The following NOS1AP variants were observed in gnomAD, a reference collection of about 807,000 sequenced individuals.
The protein encoded by NOS1AP is carboxyl-terminal PDZ ligand of neuronal nitric oxide synthase protein.
NOS1AP carries 21 observed loss-of-function variants against 56.2 expected under a neutral mutation model. That is an observed-to-expected ratio of 0.37 (90% CI 0.26 to 0.54). The LOEUF (loss-of-function observed/expected upper bound fraction) is 0.54. Among genes scored for constraint, NOS1AP ranks in the 20% least tolerant of loss-of-function variants. The pLI is 0.84. For missense variants in NOS1AP, 522 were observed against 657.8 expected, an observed-to-expected ratio of 0.79 and a Z score of 2.26; for synonymous variants, 270 against 274.6, an observed-to-expected ratio of 0.98 and a Z score of 0.17.
chr1:162,343,578 G>A (rs1441359993), intron 5 of NOS1AP, among the ~76,000 whole-genome samples: 1 of 152,232 alleles, frequency 6.6e-6, no homozygotes, highest in East Asian at 1.9e-4. Context: ...ACATGGGAGG[G>A]AAGAATTGGG....
chr1:162,164,593 T>C (rs765320374), intron 2 of NOS1AP, among the ~76,000 whole-genome samples: 2 of 152,234 alleles, frequency 1.3e-5, no homozygotes, highest in Non-Finnish European at 2.9e-5. Context: ...AGAAACCTCA[T>C]ATAAGTGAAA....
At chr1:162,246,291 C>T (rs1290256822) in intron 2 of NOS1AP, among the ~76,000 whole-genome samples, 1 of 152,132 alleles carries the variant, frequency 6.6e-6, no homozygotes. Flanking sequence ...CTTTAAACAT[C>T]TTATAGTCCA....
rs35946766 is a variant in NOS1AP, at chr1:162,324,416, C to CTTTTTTTTT, written c.345-8581_345-8573dup. Among the ~76,000 whole-genome samples the CTTTTTTTTT allele has an allele frequency of 2.2e-3, 158 of 72,142 alleles. 24 individuals are homozygous for CTTTTTTTTT. The highest frequency in any genetic ancestry group is 3.1e-3 in the Non-Finnish European group (111 of 36,150). 47.3% of individuals were successfully genotyped at this position (72,142 alleles called of 152,430 possible). On this transcript the variant is annotated intron_variant, in intron 4 of 9. Transcript: ENST00000361897. ...TAGTGGTTTTGTGAGGGACACTAGC[C>CTTTTTTTTT]TTTTTTTTTTTTTTTTTTTTTTTTT...
chr1:162,252,646 G>T (rs1295773188), intron 2 of NOS1AP, among the ~76,000 whole-genome samples: 1 of 152,104 alleles, frequency 6.6e-6, no homozygotes, highest in Admixed American at 6.5e-5. Context: ...GTGAACTCAA[G>T]AATTTCTATT....
chr1:162,266,197 G>A (rs913431280), intron 2 of NOS1AP, among the ~76,000 whole-genome samples: 1 of 152,194 alleles, frequency 6.6e-6, no homozygotes, highest in Admixed American at 6.5e-5. Flanking sequence ...TTCTATGACC[G>A]CAGGAGAAGC....
At chr1:162,293,894 A>G (rs2101746080) in intron 3 of NOS1AP, among the ~76,000 whole-genome samples, 1 of 152,358 alleles carries the variant, frequency 6.6e-6, no homozygotes, top group Middle Eastern at 3.4e-3. Context: ...TAAAAGCATT[A>G]TGTAGTTCTT....
chr1:162,115,557 C>T (rs996913159), intron 1 of NOS1AP, among the ~76,000 whole-genome samples: 3 of 152,184 alleles, frequency 2.0e-5, no homozygotes, highest in Non-Finnish European at 4.4e-5. Context: ...ATGTGGCTTG[C>T]AGACCAGCAG....
intron 1 of NOS1AP, among the ~76,000 whole-genome samples, chr1:162,094,843 G>A (rs764598438): frequency 4.6e-5 from 7 of 152,132 alleles, no homozygotes; most frequent in Non-Finnish European, 7.4e-5. Context: ...ACCAGGTATC[G>A]CTGTCCATTC....
At chr1:162,192,605 C>A (rs1651681009) in intron 2 of NOS1AP, among the ~76,000 whole-genome samples, 1 of 152,344 alleles carries the variant, frequency 6.6e-6, no homozygotes, top group Admixed American at 6.5e-5. Context: ...GCCACTTTTC[C>A]CTGGCCTGTG....
At chr1:162,343,117 T>C (rs542445957) in intron 5 of NOS1AP, among the ~76,000 whole-genome samples, 80 of 152,318 alleles carry the variant, frequency 5.3e-4, no homozygotes, top group Non-Finnish European at 1.0e-3. Context: ...AGACTCTACA[T>C]AGGAGCAGGC....
intron 4 of NOS1AP, among the ~76,000 whole-genome samples, chr1:162,331,996 C>G (rs1317198857): frequency 6.6e-6 from 1 of 152,260 alleles, no homozygotes; most frequent in Non-Finnish European, 1.5e-5. Flanking sequence ...TGCTTAAAAG[C>G]CGATGGCTTC....
At chr1:162,284,907 A>T (rs1407636886) in intron 2 of NOS1AP, among the ~76,000 whole-genome samples, 1 of 152,226 alleles carries the variant, frequency 6.6e-6, no homozygotes, top group African/African-American at 2.4e-5. Context: ...CAACTACAAC[A>T]TTCTTCCAGA....
chr1:162,119,779 T>G (rs1415256694), intron 1 of NOS1AP, among the ~76,000 whole-genome samples: 2 of 152,124 alleles, frequency 1.3e-5, no homozygotes, highest in Non-Finnish European at 2.9e-5. Flanking sequence ...TATTGAAGGG[T>G]AGCAAAAGGT....
rs567407913 is a variant in NOS1AP at position 162,287,439 on chromosome 1, A to G, written c.270+3A>G. 4.4e-6 allele frequency: 7 copies of G among 1,600,628 alleles called. No individual in the cohort carries two copies. The Admixed American group carries it at 1.2e-4, about 27-fold the overall frequency. On this transcript the variant is annotated splice_donor_region_variant and intron_variant, in intron 3 of 9. Transcript: ENST00000361897. ...TGATTCTGAAGAAGAAGAAAAAGGT[A>G]AGTGGCTCTGAACCAGAATCTGAGG... is the stretch of plus-strand genomic sequence containing the variant.
At chr1:162,148,474 G>A (rs545499399) in intron 1 of NOS1AP, among the ~76,000 whole-genome samples, 5 of 152,340 alleles carry the variant, frequency 3.3e-5, no homozygotes, top group South Asian at 2.1e-4. Flanking sequence ...ACAGGATCAC[G>A]AATGTTGGAA....
At chr1:162,204,809 T>C (rs534138903) in intron 2 of NOS1AP, among the ~76,000 whole-genome samples, 1 of 152,354 alleles carries the variant, frequency 6.6e-6, no homozygotes, top group Non-Finnish European at 1.5e-5. Flanking sequence ...GGGTTGGTGT[T>C]GCTGCAATTA....
At chr1:162,348,283 T>C (rs1195014977) in intron 6 of NOS1AP, among the ~76,000 whole-genome samples, 2 of 152,120 alleles carry the variant, frequency 1.3e-5, no homozygotes, top group African/African-American at 4.8e-5. Context: ...CCCCTTTTGA[T>C]GAGGAATGAT....
intron 2 of NOS1AP, among the ~76,000 whole-genome samples, chr1:162,164,252 A>G (rs1193885396): frequency 6.6e-6 from 1 of 152,138 alleles, no homozygotes; most frequent in Non-Finnish European, 1.5e-5. Flanking sequence ...CCTCGCTACT[A>G]CACTAACCAC....
intron 2 of NOS1AP, among the ~76,000 whole-genome samples, chr1:162,232,971 A>T (rs1571147589): frequency 6.6e-6 from 1 of 152,310 alleles, no homozygotes; most frequent in Non-Finnish European, 1.5e-5. Context: ...CAGAAAGAGG[A>T]TGAGGCAGAA....
Sources: allele counts gnomAD v4.1 joint callset (sites outside exome capture counted in the v4.1 genomes callset), GRCh38; gene constraint gnomAD v4.1.1; transcripts MANE v1.5; gene names NCBI Gene and HGNC (gene_info 2026-07-23, HGNC 2026-07-21).